Variants in KIF6 observed in about 807,000 individuals in gnomAD.
The protein encoded by KIF6 is kinesin-like protein KIF6.
A neutral mutation model predicts 112.7 loss-of-function variants in KIF6; 106 were observed. The ratio of observed to expected loss-of-function variants is 0.94; its 90% confidence interval spans 0.80 to 1.11. The LOEUF is 1.11. KIF6 is among the 50% of genes least tolerant of loss of function. KIF6 has a pLI of 0.00. For synonymous variants in KIF6, 339 were observed against 339.9 expected, an observed-to-expected ratio of 1.00 and a Z score of 0.03; for missense variants, 929 against 964.0, an observed-to-expected ratio of 0.96 and a Z score of 0.48.
chr6:39,673,915 G>A (rs1471277648), intron 3 of KIF6, among the ~76,000 whole-genome samples: 1 of 151,652 alleles, frequency 6.6e-6, no homozygotes, highest in Non-Finnish European at 1.5e-5. Flanking sequence ...ATGAGATGAA[G>A]TCTTAGAACA....
chr6:39,446,085 G>A lies in KIF6; in HGVS notation c.1646-14924C>T, dbSNP rs377192860. On this transcript the variant is annotated intron_variant, in intron 13 of 22. Transcript: ENST00000287152. ...CTGTGATTCCTGTTCAGTGGTGGGG[G>A]AAAGGAGATAGGACTTGGAGGCAGA... Among the ~76,000 whole-genome samples the A allele has an allele frequency of 2.0e-5, 3 of 152,190 alleles. No homozygotes were observed. In the South Asian group the frequency reaches 6.2e-4, roughly 31 times the overall value.
At chr6:39,536,566 A>G (rs927023774) in intron 13 of KIF6, among the ~76,000 whole-genome samples, 1 of 152,280 alleles carries the variant, frequency 6.6e-6, no homozygotes, top group Admixed American at 6.5e-5. Flanking sequence ...AATTGTGGCA[A>G]TAATCAATAG....
intron 3 of KIF6, among the ~76,000 whole-genome samples, chr6:39,712,087 G>A (rs1363872101): frequency 6.6e-6 from 1 of 151,976 alleles, no homozygotes; most frequent in East Asian, 1.9e-4. Context: ...TAATAAAGAG[G>A]AGAAAGAAAA....
intron 13 of KIF6, among the ~76,000 whole-genome samples, chr6:39,435,752 C>G (rs773101318): frequency 9.2e-5 from 14 of 152,166 alleles, no homozygotes; most frequent in Non-Finnish European, 2.1e-4. Flanking sequence ...TTTTCTTTAT[C>G]CATTCATCAG....
intron 10 of KIF6, among the ~76,000 whole-genome samples, chr6:39,573,449 TAAC>T (rs1163202624): frequency 6.6e-6 from 1 of 152,250 alleles, no homozygotes; most frequent in Admixed American, 6.5e-5. Context: ...AACATAATGA[TAAC>T]AATTTAACAT....
chr6:39,402,349 G>A (rs1768768020), intron 15 of KIF6, among the ~76,000 whole-genome samples: 1 of 152,114 alleles, frequency 6.6e-6, no homozygotes, highest in Non-Finnish European at 1.5e-5. Flanking sequence ...TGGGTCTATG[G>A]GCCTGTTTAC....
Position 39,360,457 on chromosome 6 carries a change from C to G in KIF6, c.2020G>C (p.Ala674Pro), listed in dbSNP as rs1487111498. ...AACTCTTTCTGTAGCTTCACCTTGG[C>G]TTTGTCCATGAGCAGCTGCAAGTGC... ...IEHLQLLMDK[A>P]KVKLQKEFEV... Residue 674 changes from alanine to proline, a missense_variant, in exon 18 of 23, where the codon GCC becomes CCC. By Grantham distance (27) the Ala-to-Pro change is conservative. This residue lies in a region of KIF6 where 241 missense variants were observed against 301.4 expected (regional missense o/e 0.80). Coordinates refer to ENST00000287152, the MANE Select transcript of KIF6 (RefSeq NM_145027.6). The G allele has an allele frequency of 6.2e-7, 1 of 1,614,226 alleles. No homozygotes were observed. The highest frequency in any genetic ancestry group is 8.5e-7 in the Non-Finnish European group (1 of 1,180,046).
At chr6:39,550,539 G>A (rs535369487) in intron 10 of KIF6, among the ~76,000 whole-genome samples, 4 of 152,288 alleles carry the variant, frequency 2.6e-5, no homozygotes, top group Non-Finnish European at 5.9e-5. Flanking sequence ...ATATCAAGCT[G>A]GAAATAGTGA....
At chr6:39,665,846 TC>T (rs1320954655) in intron 3 of KIF6, among the ~76,000 whole-genome samples, 2 of 152,202 alleles carry the variant, frequency 1.3e-5, no homozygotes, top group Non-Finnish European at 2.9e-5. Context: ...TATTAAATTT[TC>T]CCATTTTCTG....
At position 39,363,148 on chromosome 6, in the gene KIF6, TCAAA is replaced by T. The variant is rs112894411; in HGVS notation, c.1862-634_1862-631del. Among the ~76,000 whole-genome samples the T allele has an allele frequency of 2.5e-3, 382 of 152,176 alleles. 5 individuals carry two copies. The highest frequency in any genetic ancestry group is 8.5e-3 in the African/African-American group (352 of 41,524). ...TGGGCAACAAGAGAGAAACTCCATC[TCAAA>T]CAAACAAACAAAAACAAACAGATAA... On this transcript the variant is annotated intron_variant, in intron 16 of 22. Transcript: ENST00000287152.
At chr6:39,482,999 G>A (rs1253510566) in intron 13 of KIF6, among the ~76,000 whole-genome samples, 1 of 152,160 alleles carries the variant, frequency 6.6e-6, no homozygotes, top group Non-Finnish European at 1.5e-5. Context: ...TTTCCTGTCA[G>A]GTTGTTTTGC....
intron 7 of KIF6, among the ~76,000 whole-genome samples, chr6:39,589,457 A>G (rs2150669802): frequency 6.6e-6 from 1 of 152,330 alleles, no homozygotes; most frequent in South Asian, 2.1e-4. Flanking sequence ...ACTGCGGAGA[A>G]CAGTGCTCAG....
chr6:39,393,145 C>G (rs1364340221), intron 15 of KIF6, among the ~76,000 whole-genome samples: 2 of 152,056 alleles, frequency 1.3e-5, no homozygotes, highest in African/African-American at 4.8e-5. Flanking sequence ...TTATTCATAC[C>G]CAAACTATCA....
At chr6:39,517,129 AG>A (rs1460086912) in intron 13 of KIF6, among the ~76,000 whole-genome samples, 1 of 152,198 alleles carries the variant, frequency 6.6e-6, no homozygotes, top group African/African-American at 2.4e-5. Context: ...CAGCTAAGAA[AG>A]GAGGTGACCA....
intron 16 of KIF6, among the ~76,000 whole-genome samples, chr6:39,371,853 C>T (rs1318835330): frequency 6.6e-6 from 1 of 152,000 alleles, no homozygotes; most frequent in Non-Finnish European, 1.5e-5. Context: ...CCCATGAAAC[C>T]ACCCCAAATT....
chr6:39,629,490 C>G (rs1407908988), intron 5 of KIF6, among the ~76,000 whole-genome samples: 1 of 151,994 alleles, frequency 6.6e-6, no homozygotes, highest in Non-Finnish European at 1.5e-5. Context: ...CTATTCAGAT[C>G]TTTTGCCCAT....
At chr6:39,716,652 G>C (rs1789870736) in intron 2 of KIF6, among the ~76,000 whole-genome samples, 1 of 152,184 alleles carries the variant, frequency 6.6e-6, no homozygotes, top group Non-Finnish European at 1.5e-5. Context: ...CAGAGATAAA[G>C]TAATTACTCA....
intron 13 of KIF6, among the ~76,000 whole-genome samples, chr6:39,528,293 C>T (rs1401790578): frequency 1.3e-5 from 2 of 152,180 alleles, no homozygotes; most frequent in African/African-American, 4.8e-5. Context: ...GGCAAAAAGT[C>T]TTTCCTTTTA....
chr6:39,407,190 C>G (rs935311702), intron 15 of KIF6, among the ~76,000 whole-genome samples: 4 of 152,182 alleles, frequency 2.6e-5, no homozygotes, highest in South Asian at 2.1e-4. Flanking sequence ...TTCCAATAAG[C>G]CTTCTTTGAG....
Sources: gnomAD v4.1 joint callset for allele counts (sites outside exome capture counted in the v4.1 genomes callset) on GRCh38, gnomAD v4.1.1 for gene constraint, gnomAD v4.1.1 regional missense constraint, MANE v1.5 for transcripts, NCBI Gene and HGNC (gene_info 2026-07-23, HGNC 2026-07-21) for gene names.